The following RAMP1 variants were observed in gnomAD, a reference collection of about 807,000 sequenced individuals.
The protein encoded by RAMP1 is receptor activity-modifying protein 1.
In RAMP1, 7 loss-of-function variants were observed where a neutral mutation model predicts 8.2. That is an observed-to-expected ratio of 0.85 (90% CI 0.49 to 1.60). The LOEUF (loss-of-function observed/expected upper bound fraction) is 1.60, where lower values mean the gene tolerates loss of function less well. Among genes scored for constraint, RAMP1 ranks in the 40% most tolerant of loss-of-function variants. RAMP1 has a pLI of 0.00. For synonymous variants in RAMP1, 92 were observed against 84.7 expected (o/e 1.09, Z -0.47); for missense variants, 192 against 202.4 (o/e 0.95, Z 0.31).
Position 237,911,560 on chromosome 2 carries a change from A to G in RAMP1, c.224A>G (p.His75Arg). The G allele has an allele frequency of 2.5e-6, 4 of 1,614,140 alleles. No homozygotes were observed. Among genetic ancestry groups the G allele is most frequent in the Non-Finnish European group, 3.4e-6 (4 of 1,179,992 alleles). ...SYRELADCTW[H>R]MAEKLGCFWP... ...AGGGAGCTGGCCGACTGCACCTGGC[A>G]CATGGCGGAGAAGCTGGGCTGCTTC... is the stretch of plus-strand genomic sequence containing the variant. The change falls in exon 3 of 3, where the codon CAC becomes CGC. Residue 75 changes from histidine (H) to arginine (R), a missense_variant. Physicochemically the swap from His to Arg is conservative, Grantham distance 29. Transcript: ENST00000254661.
At chr2:237,909,054 T>C (rs920111399) in intron 2 of RAMP1, among the ~76,000 whole-genome samples, 1 of 152,162 alleles carries the variant, frequency 6.6e-6, no homozygotes, top group Non-Finnish European at 1.5e-5. Flanking sequence ...GCACCTGCCC[T>C]AGAGGCACTC....
intron 2 of RAMP1, among the ~76,000 whole-genome samples, chr2:237,880,595 T>C (rs1355147650): frequency 6.6e-6 from 1 of 152,206 alleles, no homozygotes; most frequent in East Asian, 1.9e-4. Flanking sequence ...ATTTAAGCCA[T>C]GGTATCGAGA....
At chr2:237,895,047 C>G (rs1237550973) in intron 2 of RAMP1, among the ~76,000 whole-genome samples, 1 of 152,278 alleles carries the variant, frequency 6.6e-6, no homozygotes, top group East Asian at 1.9e-4. Context: ...ATGGTGCCAG[C>G]CACCAAGGGC....
chr2:237,905,641 G>T (rs762618590), intron 2 of RAMP1, among the ~76,000 whole-genome samples: 2 of 152,190 alleles, frequency 1.3e-5, no homozygotes, highest in Non-Finnish European at 2.9e-5. Flanking sequence ...TGTGTCACTG[G>T]ATCTGCAGAA....
intron 2 of RAMP1, among the ~76,000 whole-genome samples, chr2:237,886,820 G>T (rs1223081648): frequency 6.6e-6 from 1 of 152,232 alleles, no homozygotes; most frequent in Non-Finnish European, 1.5e-5. Flanking sequence ...CAACGCGAAA[G>T]GTCAGACATG....
intron 1 of RAMP1, among the ~76,000 whole-genome samples, chr2:237,872,124 C>T (rs949858840): frequency 1.3e-5 from 2 of 152,176 alleles, no homozygotes; most frequent in Non-Finnish European, 2.9e-5. Context: ...GGGTTCTTAG[C>T]GGGGGCTTCA....
chr2:237,888,226 T>A (rs2062454751), intron 2 of RAMP1, among the ~76,000 whole-genome samples: 1 of 152,106 alleles, frequency 6.6e-6, no homozygotes. Context: ...GCTAATTTTT[T>A]GTATTTTTAG....
Position 237,869,115 on chromosome 2 carries a change from T to G in RAMP1, c.53-8109T>G, listed in dbSNP as rs187533997. Among the ~76,000 whole-genome samples the G allele has an allele frequency of 1.2e-3, 180 of 152,300 alleles. 3 individuals are homozygous for G. The highest frequency in any genetic ancestry group is 0.012 in the Admixed American group (180 of 15,298). On this transcript the variant is annotated intron_variant, in intron 1 of 2. Coordinates refer to ENST00000254661, the MANE Select transcript of RAMP1 (RefSeq NM_005855.4). ...ATCCATGCGCATTGTGTGAAAACCCTGCACTGCGTTTGTGATCCTGCCTGC... is the reference window on the plus strand; with the variant it reads ...ATCCATGCGCATTGTGTGAAAACCCGGCACTGCGTTTGTGATCCTGCCTGC...
At chr2:237,874,198 C>A (rs1490966909) in intron 1 of RAMP1, among the ~76,000 whole-genome samples, 1 of 152,188 alleles carries the variant, frequency 6.6e-6, no homozygotes, top group Non-Finnish European at 1.5e-5. Context: ...AGAGGAAGGC[C>A]CAGTAGGCTG....
intron 2 of RAMP1, among the ~76,000 whole-genome samples, chr2:237,909,938 T>A (rs1398717321): frequency 6.6e-6 from 1 of 151,912 alleles, no homozygotes; most frequent in Non-Finnish European, 1.5e-5. Flanking sequence ...CGCGATGGCT[T>A]CTCTCCAAGC....
chr2:237,896,777 C>A (rs998907789), intron 2 of RAMP1, among the ~76,000 whole-genome samples: 2 of 152,130 alleles, frequency 1.3e-5, no homozygotes, highest in East Asian at 3.9e-4. Flanking sequence ...TCCCAAGTAG[C>A]CAGGACTATA....
chr2:237,902,235 A>T (rs2062606552), intron 2 of RAMP1, among the ~76,000 whole-genome samples: 1 of 144,422 alleles, frequency 6.9e-6, no homozygotes, highest in South Asian at 2.4e-4. Context: ...TGGAGTGAGG[A>T]TGAGGTGGGG....
chr2:237,872,515 A>G (rs1454742793), intron 1 of RAMP1, among the ~76,000 whole-genome samples: 1 of 152,164 alleles, frequency 6.6e-6, no homozygotes, highest in Non-Finnish European at 1.5e-5. Flanking sequence ...AGGGTCTCAG[A>G]GCCTCCACAG....
intron 2 of RAMP1, among the ~76,000 whole-genome samples, chr2:237,883,395 G>T (rs79359279): frequency 3.9e-5 from 6 of 152,318 alleles, no homozygotes; most frequent in African/African-American, 1.4e-4. Flanking sequence ...TGGGGGCTGA[G>T]ACATGCTCGT....
intron 1 of RAMP1, chr2:237,859,958 G>A (rs999889140): frequency 2.3e-6 from 1 of 439,544 alleles, no homozygotes. Context: ...CCGGGGAAGG[G>A]ACGGCTTTGG....
chr2:237,861,931 T>C (rs2062136876), intron 1 of RAMP1, among the ~76,000 whole-genome samples: 1 of 152,102 alleles, frequency 6.6e-6, no homozygotes, highest in South Asian at 2.1e-4. Flanking sequence ...TACTGGAGAC[T>C]CTACATGCAT....
rs536814827 is a variant in RAMP1, at chr2:237,902,526, G to A, written c.192-9002G>A. On this transcript the variant is annotated intron_variant, in intron 2 of 2. Coordinates refer to ENST00000254661, the MANE Select transcript of RAMP1 (RefSeq NM_005855.4). ...GGGTCCTGCCCCCAGGGCCCACCCC[G>A]CACCCCCACTCACCCTTCCACAGAG... Among the ~76,000 whole-genome samples the A allele has an allele frequency of 7.7e-4, 116 of 151,124 alleles. 1 individual carries two copies. Among genetic ancestry groups the A allele is most frequent in the African/African-American group, 2.2e-3 (92 of 41,346 alleles).
chr2:237,902,382 G>A (rs1462264674), intron 2 of RAMP1, among the ~76,000 whole-genome samples: 1 of 148,324 alleles, frequency 6.7e-6, no homozygotes, highest in Admixed American at 6.7e-5. Flanking sequence ...GAGGAGAGAG[G>A]GATCAGGAGG....
chr2:237,859,830 GGGCGGGCGCCGC>G, intron 1 of RAMP1, 103 bp downstream of exon 1: 1 of 1,090,576 alleles, frequency 9.2e-7, no homozygotes, highest in Non-Finnish European at 1.2e-6. Flanking sequence ...GAGCGGGTGG[GGGCGGGCGCCGC>G]GGGCGCACAG....
Sources: gnomAD v4.1 joint callset for allele counts (sites outside exome capture counted in the v4.1 genomes callset) on GRCh38, gnomAD v4.1.1 for gene constraint, MANE v1.5 for transcripts, NCBI Gene and HGNC (gene_info 2026-07-23, HGNC 2026-07-21) for gene names.